The following CREBBP variants were observed in gnomAD, a reference collection of about 807,000 sequenced individuals.
CREBBP encodes the protein CREB-binding protein.
A neutral mutation model predicts 265.0 loss-of-function variants in CREBBP; 19 were observed. That is an observed-to-expected ratio of 0.07 (90% CI 0.05 to 0.11). The LOEUF is 0.11. Ranked by LOEUF, CREBBP falls within the 10% of genes least tolerant of loss-of-function variation. CREBBP has a pLI of 1.00. For synonymous variants in CREBBP, 1,457 were observed against 1,223.7 expected (o/e 1.19, Z -3.98); for missense variants, 2,525 against 3,219.0 (o/e 0.78, Z 5.22).
chr16:3,738,870 C>A (rs2052135577), intron 25 of CREBBP, among the ~76,000 whole-genome samples, 198 bp from the exon 26 acceptor site: 1 of 152,210 alleles, frequency 6.6e-6, no homozygotes, highest in African/African-American at 2.4e-5. Context: ...CTCAGACTCC[C>A]ACATAGTTAG....
At chr16:3,789,896 C>A (rs1382443866) in intron 5 of CREBBP, among the ~76,000 whole-genome samples, 3 of 150,554 alleles carry the variant, frequency 2.0e-5, no homozygotes, top group South Asian at 2.1e-4. Context: ...AAAAAAAAAA[C>A]CACATACGCT....
At chr16:3,802,154 C>T (rs1258547979) in intron 3 of CREBBP, among the ~76,000 whole-genome samples, 3 of 55,080 alleles carry the variant, frequency 5.4e-5, no homozygotes, top group Non-Finnish European at 8.5e-5. Flanking sequence ...TTTTTTGTGA[C>T]AGAGTCTCGC....
chr16:3,766,904 A>G (rs1166344769), intron 16 of CREBBP, among the ~76,000 whole-genome samples: 1 of 152,124 alleles, frequency 6.6e-6, no homozygotes, highest in Non-Finnish European at 1.5e-5. Context: ...TCAATTTCTA[A>G]GAGTATAAAG....
At chr16:3,859,152 C>T (rs937555212) in intron 1 of CREBBP, among the ~76,000 whole-genome samples, 1 of 152,118 alleles carries the variant, frequency 6.6e-6, no homozygotes, top group Admixed American at 6.5e-5. Context: ...TCCTGGCATA[C>T]AACTCCTAAA....
chr16:3,831,315 A>G lies in CREBBP; in HGVS notation c.798+18982T>C, dbSNP rs554649161. Among the ~76,000 whole-genome samples the G allele has an allele frequency of 4.0e-3, 607 of 152,346 alleles. 2 individuals carry two copies. Among genetic ancestry groups the G allele is most frequent in the Non-Finnish European group, 7.2e-3 (491 of 68,038 alleles). ...CATGTAAAATATAAACATATTTTAA[A>G]CTAATTTAAAAAATGTATTAAAATT... On this transcript the variant is annotated intron_variant, in intron 2 of 30. Coordinates refer to ENST00000262367, the MANE Select transcript of CREBBP (RefSeq NM_004380.3).
rs757962926 is a variant in CREBBP at position 3,787,070 on chromosome 16, C to CAAAAAAAAAAAAAAAAAAAAA, written c.1331-4145_1331-4144insTTTTTTTTTTTTTTTTTTTTT. Among the ~76,000 whole-genome samples, 82 of 86,954 alleles carry CAAAAAAAAAAAAAAAAAAAAA rather than the reference C, an allele frequency of 9.4e-4. 1 individual carries two copies. The highest frequency in any genetic ancestry group is 1.2e-3 in the Non-Finnish European group (48 of 40,684). The allele number at this position is 86,954 out of a possible 152,430, so 57.0% of individuals were successfully genotyped here. On this transcript the variant is annotated intron_variant, in intron 5 of 30. Transcript: ENST00000262367. ...TGGGCGACAGAGTGAGACTTCGTCTCAAAAAAAAAAAAAAAAGAATTTATT... is the reference window on the plus strand; with the variant it reads ...TGGGCGACAGAGTGAGACTTCGTCTCAAAAAAAAAAAAAAAAAAAAAAAAAAAAAAAAAAAAAGAATTTATT...
chr16:3,871,969 G>C (rs528102100), intron 1 of CREBBP, among the ~76,000 whole-genome samples: 3 of 152,172 alleles, frequency 2.0e-5, no homozygotes, highest in Admixed American at 6.5e-5. Flanking sequence ...TAATCATGTA[G>C]AATTATTTTC....
intron 2 of CREBBP, among the ~76,000 whole-genome samples, chr16:3,829,070 T>A (rs1406599111): frequency 6.6e-6 from 1 of 151,380 alleles, no homozygotes; most frequent in East Asian, 1.9e-4. Context: ...AAAAAAAAAA[T>A]TACATGGTAA....
chr16:3,859,913 T>C (rs1039996385), intron 1 of CREBBP, among the ~76,000 whole-genome samples: 1 of 152,194 alleles, frequency 6.6e-6, no homozygotes, highest in Non-Finnish European at 1.5e-5. Flanking sequence ...TTGAGCTCTG[T>C]CAACCGCTCT....
intron 26 of CREBBP, among the ~76,000 whole-genome samples, chr16:3,738,021 T>C (rs1382868145): frequency 6.6e-6 from 1 of 151,306 alleles, no homozygotes; most frequent in Non-Finnish European, 1.5e-5. Context: ...CTCCTGACCT[T>C]GTGATCCGCC....
chr16:3,852,836 C>T (rs1401696623), intron 1 of CREBBP, among the ~76,000 whole-genome samples: 1 of 152,112 alleles, frequency 6.6e-6, no homozygotes, highest in African/African-American at 2.4e-5. Flanking sequence ...TTCTCTGAAG[C>T]GTGGTCTACA....
chr16:3,748,027 T>A (rs1337205999), intron 21 of CREBBP, among the ~76,000 whole-genome samples: 3 of 151,148 alleles, frequency 2.0e-5, no homozygotes, highest in Non-Finnish European at 1.5e-5. Context: ...GAGACGGAGG[T>A]TGCGGTGAGC....
intron 28 of CREBBP, among the ~76,000 whole-genome samples, chr16:3,735,429 T>C (rs1044841869): frequency 6.6e-6 from 1 of 152,130 alleles, no homozygotes; most frequent in Admixed American, 6.5e-5. Flanking sequence ...CCCTCGTAGC[T>C]GGGATTACAG....
At chr16:3,749,899 C>A (rs2052434233) in intron 20 of CREBBP, among the ~76,000 whole-genome samples, 1 of 152,166 alleles carries the variant, frequency 6.6e-6, no homozygotes, top group African/African-American at 2.4e-5. Flanking sequence ...ACTATCATTT[C>A]TTTTCCTTCT....
At chr16:3,732,003 C>G (rs781076759) in intron 28 of CREBBP, 66 bp from the exon 29 acceptor site, 1,012 of 1,612,416 alleles carry the variant, frequency 6.3e-4, no homozygotes, top group Non-Finnish European at 7.7e-4. Context: ...GGACGCCCAG[C>G]TCCCAGGCCG....
At chr16:3,743,874 T>G (rs1298807527) in intron 23 of CREBBP, 1 of 152,068 alleles carries the variant, frequency 6.6e-6, no homozygotes, top group Non-Finnish European at 1.5e-5. Flanking sequence ...GTCAAGAGAT[T>G]GAGACCGTCC....
At chr16:3,816,481 C>G (rs2054038418) in intron 2 of CREBBP, among the ~76,000 whole-genome samples, 1 of 152,238 alleles carries the variant, frequency 6.6e-6, no homozygotes, top group South Asian at 2.1e-4. Flanking sequence ...AAGTTCAGCT[C>G]AAAACCCAAG....
In CREBBP at chr16:3,729,419, G is replaced by A. The variant is rs747210551; in HGVS notation, c.5628C>T (p.Asn1876=). 15 of 1,613,414 alleles carry A rather than the reference G, an allele frequency of 9.3e-6. No homozygotes were observed. Among genetic ancestry groups the A allele is most frequent in the African/African-American group, 5.3e-5 (4 of 74,926 alleles). The change falls in exon 31 of 31, where the codon AAC becomes AAT. Residue 1876 remains asparagine (N), a synonymous_variant. Transcript: ENST00000262367. The part of the protein sequence containing the change: ...RRRMATMNTR[N]VPQQSLPSPT... ...GAGAAGGCAGACTCTGCTGAGGCAC[G>A]TTGCGGGTGTTCATGGTGGCCATCC...
At chr16:3,837,959 C>T (rs933117105) in intron 2 of CREBBP, among the ~76,000 whole-genome samples, 1 of 152,120 alleles carries the variant, frequency 6.6e-6, no homozygotes, top group African/African-American at 2.4e-5. Context: ...CTGCAAACAC[C>T]ATTCATAGTA....
Sources: allele counts gnomAD v4.1 joint callset (sites outside exome capture counted in the v4.1 genomes callset), GRCh38; gene constraint gnomAD v4.1.1; transcripts MANE v1.5; gene names NCBI Gene and HGNC (gene_info 2026-07-23, HGNC 2026-07-21).